The following C8orf34 variants were observed in gnomAD, a reference collection of about 807,000 sequenced individuals.
C8orf34 encodes uncharacterized protein C8orf34.
Under a neutral mutation model 68.3 loss-of-function variants are expected in C8orf34, and 65 were observed. The observed-to-expected ratio is 0.95, with a 90% CI of 0.78 to 1.17. The LOEUF is 1.17. Ranked by LOEUF, C8orf34 falls within the 50% of genes most tolerant of loss-of-function variation. C8orf34 has a pLI of 0.00. For missense variants in C8orf34, 664 were observed against 655.4 expected (o/e 1.01, Z -0.14); for synonymous variants, 244 against 241.2 (o/e 1.01, Z -0.11).
intron 1 of C8orf34, among the ~76,000 whole-genome samples, chr8:68,351,105 T>C (rs60371337): frequency 0.67 from 101,084 of 151,878 alleles, 34,787 homozygotes; most frequent in African/African-American, 0.86. Flanking sequence ...AGCAGTCTTT[T>C]CTTTCTATAT....
chr8:68,759,139 A>G lies in C8orf34; in HGVS notation c.1405-17260A>G, dbSNP rs186531994. 2.6e-5 allele frequency among the ~76,000 whole-genome samples: 4 copies of G among 152,262 alleles called. No homozygotes were observed. The East Asian group carries it at 7.7e-4, about 29-fold the overall frequency. On this transcript the variant is annotated intron_variant, in intron 10 of 13. Transcript: ENST00000518698. ...CACACAGACCATATTCCTCTTAATC[A>G]TTCTAACCAAATCTTTGCACATGTA...
At chr8:68,444,047 G>GT (rs531057884) in intron 2 of C8orf34, among the ~76,000 whole-genome samples, 129 of 152,040 alleles carry the variant, frequency 8.5e-4, no homozygotes, top group African/African-American at 2.8e-3. Context: ...ACTGTTCTCT[G>GT]TTTTTCTCAT....
intron 5 of C8orf34, among the ~76,000 whole-genome samples, chr8:68,492,278 G>A (rs1362553739): frequency 3.9e-5 from 6 of 152,066 alleles, no homozygotes; most frequent in Non-Finnish European, 8.8e-5. Context: ...CACCCAGGCT[G>A]GTGTGCAGTG....
intron 5 of C8orf34, among the ~76,000 whole-genome samples, chr8:68,496,538 G>T (rs1269789696): frequency 6.6e-6 from 1 of 152,154 alleles, no homozygotes; most frequent in Admixed American, 6.5e-5. Flanking sequence ...CTTCACACTG[G>T]CTATATGTGT....
chr8:68,756,101 G>A (rs1430808026), intron 10 of C8orf34, among the ~76,000 whole-genome samples: 1 of 135,812 alleles, frequency 7.4e-6, no homozygotes, highest in East Asian at 2.0e-4. Context: ...AAAAAAACCA[G>A]AGTGACTCCC....
intron 8 of C8orf34, among the ~76,000 whole-genome samples, chr8:68,655,375 G>T (rs1221350920): frequency 6.6e-6 from 1 of 152,096 alleles, no homozygotes; most frequent in East Asian, 1.9e-4. Context: ...ACTTTTTCCT[G>T]TCATGAATTA....
At chr8:68,804,819 A>T (rs1486580653) in intron 12 of C8orf34, among the ~76,000 whole-genome samples, 1 of 152,102 alleles carries the variant, frequency 6.6e-6, no homozygotes, top group African/African-American at 2.4e-5. Context: ...AAATAAATAA[A>T]TATTAAAAGA....
chr8:68,699,293 C>T (rs1291435513), intron 8 of C8orf34, among the ~76,000 whole-genome samples: 1 of 151,924 alleles, frequency 6.6e-6, no homozygotes, highest in African/African-American at 2.4e-5. Flanking sequence ...TCACCAGATC[C>T]TTTTATAGAC....
chr8:68,532,711 C>T (rs149886573), intron 6 of C8orf34, among the ~76,000 whole-genome samples: 148 of 152,198 alleles, frequency 9.7e-4, no homozygotes, highest in African/African-American at 3.4e-3. Context: ...GAAAATTCAT[C>T]GAGTAGACTT....
intron 1 of C8orf34, among the ~76,000 whole-genome samples, chr8:68,378,011 TGC>T (rs1807876748): frequency 6.6e-6 from 1 of 152,052 alleles, no homozygotes; most frequent in Non-Finnish European, 1.5e-5. Flanking sequence ...GTGGGGAAAC[TGC>T]CCCATGATCC....
chr8:68,725,368 T>C (rs927028923), intron 10 of C8orf34, among the ~76,000 whole-genome samples: 8 of 152,194 alleles, frequency 5.3e-5, no homozygotes, highest in African/African-American at 1.9e-4. Flanking sequence ...ATGTAACTGG[T>C]CATCATTTCT....
intron 10 of C8orf34, among the ~76,000 whole-genome samples, chr8:68,738,416 C>A (rs1219257259): frequency 6.6e-6 from 1 of 151,886 alleles, no homozygotes; most frequent in East Asian, 1.9e-4. Flanking sequence ...AAACCAACCC[C>A]AAAGCTAGCA....
chr8:68,769,708 C>G (rs1205993182), intron 10 of C8orf34, among the ~76,000 whole-genome samples: 1 of 152,130 alleles, frequency 6.6e-6, no homozygotes, highest in African/African-American at 2.4e-5. Context: ...CATCCAGAGT[C>G]AGCTAAGATC....
At chr8:68,766,287 G>C (rs11776318) in intron 10 of C8orf34, among the ~76,000 whole-genome samples, 2 of 152,144 alleles carry the variant, frequency 1.3e-5, no homozygotes, top group African/African-American at 4.8e-5. Flanking sequence ...TAGCCGTTTA[G>C]TCATTTTGCA....
chr8:68,427,527 T>G (rs533996404), intron 1 of C8orf34, among the ~76,000 whole-genome samples: 7 of 152,246 alleles, frequency 4.6e-5, no homozygotes, highest in Non-Finnish European at 1.0e-4. Context: ...TAGCAGTTGC[T>G]AGGGGTTAGA....
chr8:68,649,423 T>C (rs1197144966), intron 8 of C8orf34, among the ~76,000 whole-genome samples: 2 of 152,142 alleles, frequency 1.3e-5, no homozygotes, highest in East Asian at 1.9e-4. Flanking sequence ...GATAGTGCCA[T>C]GGGAGAAAAT....
intron 1 of C8orf34, among the ~76,000 whole-genome samples, chr8:68,396,604 G>A (rs1377635647): frequency 6.7e-6 from 1 of 150,232 alleles, no homozygotes; most frequent in Non-Finnish European, 1.5e-5. Flanking sequence ...GTGGAGCTTA[G>A]TGGGAGGTGT....
chr8:68,791,957 G>C (rs1246052999), intron 12 of C8orf34: 2 of 152,218 alleles, frequency 1.3e-5, no homozygotes, highest in Admixed American at 6.5e-5. Flanking sequence ...CAAACTCTCA[G>C]CTCTGTACTT....
At chr8:68,345,162 A>G (rs1482095847) in intron 1 of C8orf34, among the ~76,000 whole-genome samples, 2 of 152,022 alleles carry the variant, frequency 1.3e-5, no homozygotes, top group African/African-American at 4.8e-5. Flanking sequence ...ATCTTTGCGT[A>G]ATCTGTATAA....
Sources: gnomAD v4.1 joint callset for allele counts (sites outside exome capture counted in the v4.1 genomes callset) on GRCh38, gnomAD v4.1.1 for gene constraint, MANE v1.5 for transcripts, NCBI Gene and HGNC (gene_info 2026-07-23, HGNC 2026-07-21) for gene names.